Variants in TRMT11 observed in about 807,000 individuals in gnomAD.
TRMT11 encodes the protein tRNA methyltransferase 11, also known as tRNA (guanine(10)-N(2))-methyltransferase TRMT11.
TRMT11 carries 53 observed loss-of-function variants against 62.8 expected under a neutral mutation model. That is an observed-to-expected ratio of 0.84 (90% CI 0.68 to 1.06). The LOEUF (loss-of-function observed/expected upper bound fraction) is 1.06, where lower values mean the gene tolerates loss of function less well. TRMT11 is among the 50% of genes least tolerant of loss of function. The pLI is 0.00. For missense variants in TRMT11, 556 were observed against 553.4 expected, an observed-to-expected ratio of 1.00 and a Z score of -0.05; for synonymous variants, 188 against 190.3, an observed-to-expected ratio of 0.99 and a Z score of 0.10.
intron 1 of TRMT11, among the ~76,000 whole-genome samples, chr6:126,191,851 G>A (rs561011206): frequency 1.3e-5 from 2 of 152,028 alleles, no homozygotes; most frequent in African/African-American, 2.4e-5. Flanking sequence ...TTACAGCTTT[G>A]TAATATAATT....
At chr6:126,200,478 T>C (rs1778722128) in intron 3 of TRMT11, among the ~76,000 whole-genome samples, 2 of 152,362 alleles carry the variant, frequency 1.3e-5, no homozygotes, top group East Asian at 1.9e-4. Flanking sequence ...TAGTTATGAA[T>C]TCACTGCTAA....
downstream of TRMT11, among the ~76,000 whole-genome samples, chr6:126,207,387 A>G (rs564186555): frequency 6.6e-6 from 1 of 152,188 alleles, no homozygotes; most frequent in Non-Finnish European, 1.5e-5. Flanking sequence ...ACCAACAGAG[A>G]TGGGAGATGG....
chr6:126,179,618 G>A (rs1778433071), intron 1 of TRMT11, among the ~76,000 whole-genome samples: 1 of 151,960 alleles, frequency 6.6e-6, no homozygotes, highest in Non-Finnish European at 1.5e-5. Flanking sequence ...TCAAAATATG[G>A]CATTTCTACC....
At chr6:126,067,803 C>T (rs1365748761) in intron 17 of TRMT11, among the ~76,000 whole-genome samples, 1 of 152,174 alleles carries the variant, frequency 6.6e-6, no homozygotes, top group Non-Finnish European at 1.5e-5. Context: ...ACACTCCCAT[C>T]AGGAGTGGTT....
intron 21 of TRMT11, among the ~76,000 whole-genome samples, chr6:126,158,109 C>T (rs1778142099): frequency 6.6e-6 from 1 of 152,040 alleles, no homozygotes. Context: ...TTGATAATCA[C>T]TTCCTTGTAT....
the TRMT11 span, among the ~76,000 whole-genome samples, chr6:126,226,294 T>C: frequency 6.6e-6 from 1 of 152,212 alleles, no homozygotes; most frequent in Non-Finnish European, 1.5e-5. Flanking sequence ...TTAGAATTTA[T>C]TTTGCCAAAT....
intron 17 of TRMT11, among the ~76,000 whole-genome samples, chr6:126,093,823 C>G (rs1054889430): frequency 1.3e-5 from 2 of 151,210 alleles, no homozygotes; most frequent in African/African-American, 4.9e-5. Flanking sequence ...GTTAATTTAG[C>G]AACTTCATAG....
At chr6:126,090,987 G>A (rs1777268927) in intron 17 of TRMT11, among the ~76,000 whole-genome samples, 1 of 152,132 alleles carries the variant, frequency 6.6e-6, no homozygotes, top group South Asian at 2.1e-4. Flanking sequence ...AAGGCTTGCG[G>A]ATAACTTGAG....
intron 21 of TRMT11, among the ~76,000 whole-genome samples, chr6:126,130,193 A>T (rs929717570): frequency 2.6e-5 from 4 of 152,074 alleles, no homozygotes; most frequent in Admixed American, 6.6e-5. Context: ...GAGAAAATAT[A>T]TCCAACTGGA....
At chr6:126,261,295 C>A in the TRMT11 span, among the ~76,000 whole-genome samples, 2 of 152,126 alleles carry the variant, frequency 1.3e-5, no homozygotes, top group South Asian at 4.1e-4. Context: ...TAATATCTAT[C>A]TCTTTGTTAA....
chr6:126,032,638 A>G (rs1033763850), intron 12 of TRMT11, among the ~76,000 whole-genome samples: 2 of 151,952 alleles, frequency 1.3e-5, no homozygotes, highest in South Asian at 2.1e-4. Flanking sequence ...GTTTCCTTCT[A>G]TTCTTCCCAT....
chr6:126,220,531 T>C, the TRMT11 span, among the ~76,000 whole-genome samples: 3 of 152,214 alleles, frequency 2.0e-5, no homozygotes, highest in Non-Finnish European at 2.9e-5. Flanking sequence ...ATTGCTGCTA[T>C]ATCCAGAGTT....
At chr6:126,233,055 T>C in the TRMT11 span, among the ~76,000 whole-genome samples, 1 of 152,184 alleles carries the variant, frequency 6.6e-6, no homozygotes, top group East Asian at 1.9e-4. Context: ...TTTCTCTGAA[T>C]AGAGAAGACA....
intron 21 of TRMT11, among the ~76,000 whole-genome samples, chr6:126,153,955 C>G (rs1036694504): frequency 6.6e-6 from 1 of 152,124 alleles, no homozygotes; most frequent in Non-Finnish European, 1.5e-5. Flanking sequence ...GTCAGTGAGT[C>G]ATTCTCACTG....
At chr6:126,256,361 C>T in the TRMT11 span, among the ~76,000 whole-genome samples, 2 of 152,166 alleles carry the variant, frequency 1.3e-5, no homozygotes, top group East Asian at 1.9e-4. Context: ...GCATTTTCAC[C>T]TTCAATGGTC....
chr6:126,190,523 G>A (rs1405686306), intron 1 of TRMT11, among the ~76,000 whole-genome samples: 1 of 152,074 alleles, frequency 6.6e-6, no homozygotes, highest in African/African-American at 2.4e-5. Flanking sequence ...GCAGAACTAC[G>A]AGTCAATTAA....
intron 21 of TRMT11, among the ~76,000 whole-genome samples, chr6:126,122,821 T>C (rs149042461): frequency 4.3e-4 from 65 of 152,278 alleles, no homozygotes; most frequent in Admixed American, 9.8e-4. Flanking sequence ...CTTTTGTTAA[T>C]CAGTCTGCTT....
At chr6:126,162,220 CTTGAG>C (rs1158589030) in intron 21 of TRMT11, among the ~76,000 whole-genome samples, 1 of 152,098 alleles carries the variant, frequency 6.6e-6, no homozygotes, top group African/African-American at 2.4e-5. Context: ...TTTAATCCAT[CTTGAG>C]TTAATTTTTG....
At chr6:126,153,754 T>G (rs1386022566) in intron 21 of TRMT11, among the ~76,000 whole-genome samples, 1 of 152,238 alleles carries the variant, frequency 6.6e-6, no homozygotes, top group Non-Finnish European at 1.5e-5. Context: ...TCATTCTGTA[T>G]CCACTCACCA....
Sources: gnomAD v4.1 joint callset for allele counts (sites outside exome capture counted in the v4.1 genomes callset) on GRCh38, gnomAD v4.1.1 for gene constraint, MANE v1.5 for transcripts, NCBI Gene and HGNC (gene_info 2026-07-23, HGNC 2026-07-21) for gene names.